Variants in PTBP3 observed in about 807,000 individuals in gnomAD.
PTBP3 encodes the protein polypyrimidine tract binding protein 3, also known as polypyrimidine tract-binding protein 3.
A neutral mutation model predicts 58.7 loss-of-function variants in PTBP3; 20 were observed. That is an observed-to-expected ratio of 0.34 (90% CI 0.24 to 0.50). The LOEUF is 0.50. Among genes scored for constraint, PTBP3 ranks in the 20% least tolerant of loss-of-function variants. The pLI, the probability that PTBP3 is intolerant of heterozygous loss-of-function variation, is 0.98. For missense variants in PTBP3, 509 were observed against 637.2 expected (o/e 0.80, Z 2.17); for synonymous variants, 185 against 219.8 (o/e 0.84, Z 1.40).
intron 7 of PTBP3, 53 bp downstream of exon 7, chr9:112,250,876 G>T: frequency 7.0e-7 from 1 of 1,427,710 alleles, no homozygotes; most frequent in Non-Finnish European, 9.2e-7. Flanking sequence ...CTTAATAAAT[G>T]AAACTTGTAA....
chr9:112,272,320 C>G (rs1368121677), intron 3 of PTBP3, among the ~76,000 whole-genome samples: 1 of 152,160 alleles, frequency 6.6e-6, no homozygotes, highest in Non-Finnish European at 1.5e-5. Flanking sequence ...CTGCCTCAGC[C>G]TCCCAAAGTG....
At chr9:112,301,559 T>C (rs1828937545) in intron 1 of PTBP3, among the ~76,000 whole-genome samples, 1 of 152,178 alleles carries the variant, frequency 6.6e-6, no homozygotes, top group East Asian at 1.9e-4. Flanking sequence ...ACAAAAATTA[T>C]AGAGATGGAA....
chr9:112,297,289 C>T (rs1317877593), intron 2 of PTBP3, among the ~76,000 whole-genome samples: 4 of 152,170 alleles, frequency 2.6e-5, no homozygotes, highest in African/African-American at 4.8e-5. Context: ...CTGCCACCTC[C>T]GCTTCCCAGG....
At chr9:112,369,029 C>A in the PTBP3 span, among the ~76,000 whole-genome samples, 2 of 152,190 alleles carry the variant, frequency 1.3e-5, no homozygotes, top group Non-Finnish European at 2.9e-5. Context: ...CCTGCAGATG[C>A]AAAGAGGTGA....
Position 112,222,592 on chromosome 9 carries a change from C to G in PTBP3, c.*1259G>C. 1 of 985,756 alleles carries G rather than the reference C, an allele frequency of 1.0e-6. No homozygotes were observed. The highest frequency in any genetic ancestry group is 1.2e-6 in the Non-Finnish European group (1 of 829,896). The allele number at this position is 985,756 out of a possible 1,614,324, so 61.1% of individuals were successfully genotyped here. A position where few individuals can be genotyped will look rare whatever the true frequency, so the allele number is the denominator to read the frequency against. ...TGAATTATTCCCAAAACCATTCACC[C>G]TTCCCCACACCGTCTCTGCACCAAG... On this transcript the variant is annotated 3_prime_UTR_variant, in exon 14 of 14. Coordinates refer to ENST00000374257, the MANE Select transcript of PTBP3 (RefSeq NM_001163788.4).
At chr9:112,366,525 C>T in the PTBP3 span, among the ~76,000 whole-genome samples, 1 of 152,124 alleles carries the variant, frequency 6.6e-6, no homozygotes, top group Non-Finnish European at 1.5e-5. Context: ...GCCATGGCTT[C>T]CGAGGGTTCA....
the PTBP3 span, among the ~76,000 whole-genome samples, chr9:112,379,050 G>T: frequency 1.3e-5 from 2 of 152,176 alleles, no homozygotes; most frequent in Admixed American, 6.5e-5. Flanking sequence ...TTAGCCAGGC[G>T]TGGTGATGCA....
intron 2 of PTBP3, among the ~76,000 whole-genome samples, chr9:112,288,624 A>G (rs906583223): frequency 2.0e-5 from 3 of 152,206 alleles, no homozygotes; most frequent in African/African-American, 7.2e-5. Flanking sequence ...TCTAAAAACA[A>G]CTACCAGTAA....
chr9:112,243,538 T>C (rs1589814756), intron 7 of PTBP3, among the ~76,000 whole-genome samples: 1 of 150,028 alleles, frequency 6.7e-6, no homozygotes, highest in African/African-American at 2.5e-5. Context: ...CGAGACTCTG[T>C]CTCAAAAAAT....
intron 4 of PTBP3, among the ~76,000 whole-genome samples, chr9:112,265,224 C>T (rs1228822602): frequency 6.6e-6 from 1 of 152,006 alleles, no homozygotes; most frequent in East Asian, 1.9e-4. Context: ...TCTTAGGAGC[C>T]GGGTGCAGTG....
chr9:112,361,532 T>G, the PTBP3 span, among the ~76,000 whole-genome samples: 1 of 133,922 alleles, frequency 7.5e-6, no homozygotes, highest in East Asian at 2.1e-4. Context: ...AAGCATTATT[T>G]TCATTAAGAC....
In PTBP3 at chr9:112,333,520, A is replaced by C; in HGVS notation, c.-102T>G. 1 of 1,580,962 alleles carries C rather than the reference A, an allele frequency of 6.3e-7. No individual in the cohort carries two copies. The highest frequency in any genetic ancestry group is 8.6e-7 in the Non-Finnish European group (1 of 1,163,234). On this transcript the variant is annotated 5_prime_UTR_variant, in exon 1 of 14. Transcript: ENST00000374257. ...GCACAGAGCAGGGACTGACGGGCTA[A>C]CCGCGAGCAGAGGAAGCAGGCGGCG...
the PTBP3 span, among the ~76,000 whole-genome samples, chr9:112,354,940 A>G: frequency 6.6e-6 from 1 of 152,308 alleles, no homozygotes; most frequent in East Asian, 1.9e-4. Context: ...TGGAAAACGT[A>G]CATGTACTCA....
chr9:112,297,243 C>T (rs1360800179), intron 2 of PTBP3, among the ~76,000 whole-genome samples: 1 of 152,152 alleles, frequency 6.6e-6, no homozygotes, highest in African/African-American at 2.4e-5. Context: ...CTCGCTCTGT[C>T]CCCCAGGCTG....
At chr9:112,355,988 CTT>C in the PTBP3 span, among the ~76,000 whole-genome samples, 1 of 149,960 alleles carries the variant, frequency 6.7e-6, no homozygotes, top group Admixed American at 6.7e-5. Flanking sequence ...TTCCTTCTTT[CTT>C]TCTCTTTCTT....
chr9:112,278,788 A>G (rs577380349), intron 2 of PTBP3, among the ~76,000 whole-genome samples: 1 of 152,324 alleles, frequency 6.6e-6, no homozygotes, highest in African/African-American at 2.4e-5. Context: ...ACTCCTGTAA[A>G]ACGGGTATAA....
In PTBP3 at chr9:112,227,514, T is replaced by C. The variant is rs1183219323; in HGVS notation, c.1261A>G (p.Lys421Glu). The change falls in exon 12 of 14, where the codon AAG becomes GAG. Residue 421 changes from lysine to glutamate, a missense_variant. By Grantham distance (56) the Lys-to-Glu change is moderately conservative. Transcript: ENST00000374257. The part of the protein sequence containing the change: ...REGQEDQGLT[K>E]DFSNSPLHRF... ...TGCAAAGGACTATTGCTGAAATCCT[T>C]AGTCAGACCTTGGTCTTCTTGTCCC... is the stretch of plus-strand genomic sequence containing the variant. 1.2e-6 allele frequency: 2 copies of C among 1,613,904 alleles called. No homozygotes were observed. Among genetic ancestry groups the C allele is most frequent in the Non-Finnish European group, 1.7e-6 (2 of 1,179,944 alleles).
At position 112,321,539 on chromosome 9, in the gene PTBP3, A is replaced by G. The variant is rs1381870779; in HGVS notation, c.-52+11931T>C. Among the ~76,000 whole-genome samples the G allele has an allele frequency of 4.6e-5, 7 of 151,322 alleles. No individual in the cohort carries two copies. In the East Asian group the frequency reaches 5.8e-4, roughly 13 times the overall value. On this transcript the variant is annotated intron_variant, in intron 1 of 13. Transcript: ENST00000374257. ...GTGAGACGTAGTCTGAAAAAAAAAA[A>G]AAAGAAAGAAAGAAAATCACCTAAC...
intron 3 of PTBP3, among the ~76,000 whole-genome samples, chr9:112,273,249 A>G (rs1319384308): frequency 6.6e-6 from 1 of 152,264 alleles, no homozygotes. Context: ...ACTTCAAGTC[A>G]TTTATACTAT....
Sources: gnomAD v4.1 joint callset for allele counts (sites outside exome capture counted in the v4.1 genomes callset) on GRCh38, gnomAD v4.1.1 for gene constraint, MANE v1.5 for transcripts, NCBI Gene and HGNC (gene_info 2026-07-23, HGNC 2026-07-21) for gene names.